FBXW11: variants seen among roughly 807,000 people sequenced by gnomAD.
FBXW11 encodes F-box and WD repeat domain containing 11, also known as F-box/WD repeat-containing protein 11.
A neutral mutation model predicts 77.6 loss-of-function variants in FBXW11; 19 were observed. The ratio of observed to expected loss-of-function variants is 0.24; its 90% CI spans 0.17 to 0.36. FBXW11 has a LOEUF of 0.36. FBXW11 is among the 10% of genes least tolerant of loss of function. The probability of loss-of-function intolerance (pLI) is 1.00; values close to 1 mark genes in which losing one functional copy is unlikely to be tolerated. For synonymous variants in FBXW11, 235 were observed against 249.4 expected, an observed-to-expected ratio of 0.94 and a Z score of 0.54; for missense variants, 334 against 704.2, an observed-to-expected ratio of 0.47 and a Z score of 5.95.
At chr5:171,944,273 C>T (rs1762888552) in intron 2 of FBXW11, among the ~76,000 whole-genome samples, 1 of 151,428 alleles carries the variant, frequency 6.6e-6, no homozygotes, top group South Asian at 2.1e-4. Flanking sequence ...AAAACATATG[C>T]ATAGATTTAA....
chr5:171,999,796 CCTCT>C (rs752098632), intron 1 of FBXW11, among the ~76,000 whole-genome samples: 2 of 152,004 alleles, frequency 1.3e-5, no homozygotes, highest in Non-Finnish European at 2.9e-5. Context: ...TATTTACACA[CCTCT>C]CTATCACAAG....
chr5:171,978,818 C>T (rs995752135), intron 1 of FBXW11, among the ~76,000 whole-genome samples: 1 of 152,192 alleles, frequency 6.6e-6, no homozygotes, highest in Admixed American at 6.5e-5. Flanking sequence ...AGAACTACAG[C>T]TAATTTTAAC....
At chr5:171,979,183 T>C (rs1024421439) in intron 1 of FBXW11, among the ~76,000 whole-genome samples, 11 of 152,164 alleles carry the variant, frequency 7.2e-5, no homozygotes, top group African/African-American at 2.4e-4. Context: ...TAGCCAGTCA[T>C]GGTGTTGCAT....
chr5:171,994,691 CT>C (rs1765931374), intron 1 of FBXW11, among the ~76,000 whole-genome samples: 1 of 152,140 alleles, frequency 6.6e-6, no homozygotes, highest in Non-Finnish European at 1.5e-5. Context: ...ACTTCTACTA[CT>C]AGTACCATTA....
In FBXW11 at chr5:171,998,336, C is replaced by CTTTTTTTTTTTTTTTTTTT. The variant is rs778327855; in HGVS notation, c.45+8121_45+8122insAAAAAAAAAAAAAAAAAAA. On this transcript the variant is annotated intron_variant, in intron 1 of 13. Coordinates refer to ENST00000517395, the MANE Select transcript of FBXW11 (RefSeq NM_001378974.1). The stretch of plus-strand genomic sequence containing the variant: ...ACAGCCCATGATATTTTTTTCTTGT[C>CTTTTTTTTTTTTTTTTTTT]TTTTTTTTTTTTTTTTTAAGTAGAG... Among the ~76,000 whole-genome samples, 26 of 114,822 alleles carry CTTTTTTTTTTTTTTTTTTT rather than the reference C, an allele frequency of 2.3e-4. 3 individuals carry two copies. Among genetic ancestry groups the CTTTTTTTTTTTTTTTTTTT allele is most frequent in the African/African-American group, 9.2e-4 (22 of 24,026 alleles). 75.3% of individuals were successfully genotyped at this position (114,822 alleles called of 152,430 possible).
At chr5:171,909,182 G>A (rs1760725105) in intron 4 of FBXW11, among the ~76,000 whole-genome samples, 1 of 152,162 alleles carries the variant, frequency 6.6e-6, no homozygotes, top group Admixed American at 6.5e-5. Context: ...GCACAGTGGT[G>A]CATGCCTGTA....
At chr5:171,960,238 G>C (rs1763835660) in intron 1 of FBXW11, among the ~76,000 whole-genome samples, 1 of 152,160 alleles carries the variant, frequency 6.6e-6, no homozygotes, top group Admixed American at 6.6e-5. Context: ...AGCCAAGCAT[G>C]GTGGTATGCA....
At chr5:171,872,668 G>C (rs1357517871) in intron 10 of FBXW11, among the ~76,000 whole-genome samples, 1 of 152,134 alleles carries the variant, frequency 6.6e-6, no homozygotes, top group Non-Finnish European at 1.5e-5. Flanking sequence ...TGTGTACTGG[G>C]GGAATCTTGG....
intron 1 of FBXW11, among the ~76,000 whole-genome samples, chr5:171,989,037 C>A (rs140027237): frequency 0.017 from 2,635 of 151,894 alleles, 72 homozygotes; most frequent in African/African-American, 0.061. Context: ...ATTAGCCGGG[C>A]GTGGTGGTAT....
chr5:171,968,644 G>A (rs1764357608), intron 1 of FBXW11, among the ~76,000 whole-genome samples: 1 of 152,060 alleles, frequency 6.6e-6, no homozygotes, highest in African/African-American at 2.4e-5. Flanking sequence ...CATCTGAGAG[G>A]TCTTCCAGGT....
chr5:171,958,789 C>A (rs1763748254), intron 1 of FBXW11, among the ~76,000 whole-genome samples: 1 of 152,044 alleles, frequency 6.6e-6, no homozygotes, highest in African/African-American at 2.4e-5. Flanking sequence ...ACTCATGTAA[C>A]AAAAATTAAA....
Position 171,910,714 on chromosome 5 carries a change from A to G in FBXW11, c.294T>C (p.Ile98=), listed in dbSNP as rs770478923. 6.2e-6 allele frequency: 10 copies of G among 1,613,934 alleles called. No individual in the cohort carries two copies. In the East Asian group the frequency reaches 2.2e-4, roughly 36 times the overall value. The change falls in exon 4 of 14, where the codon ATT becomes ATC. Residue 98 remains isoleucine, a synonymous_variant. Transcript: ENST00000517395. ...GNYQKEKDLC[I]KYFDQWSESD... is the part of the protein sequence containing the mutation. ...ATTCAGACCACTGGTCAAAATATTTAATACACAAGTCTTTTTCTTTTTGAT... is the reference window on the plus strand; with the variant it reads ...ATTCAGACCACTGGTCAAAATATTTGATACACAAGTCTTTTTCTTTTTGAT...
intron 1 of FBXW11, among the ~76,000 whole-genome samples, chr5:171,987,310 C>G (rs1169857068): frequency 6.6e-6 from 1 of 152,156 alleles, no homozygotes; most frequent in Admixed American, 6.6e-5. Context: ...TACTTGTCTC[C>G]CAGATAGACA....
At chr5:171,991,674 G>C (rs983274685) in intron 1 of FBXW11, among the ~76,000 whole-genome samples, 1 of 152,192 alleles carries the variant, frequency 6.6e-6, no homozygotes, top group Non-Finnish European at 1.5e-5. Context: ...ATTTGAGTTT[G>C]CATAAATGTA....
At chr5:171,934,296 C>T (rs1262839229) in intron 2 of FBXW11, among the ~76,000 whole-genome samples, 2 of 151,908 alleles carry the variant, frequency 1.3e-5, no homozygotes, top group Admixed American at 6.6e-5. Context: ...AAGAATTGAC[C>T]TAACTCAAAA....
intron 2 of FBXW11, among the ~76,000 whole-genome samples, chr5:171,929,981 CA>C (rs1348370734): frequency 1.3e-5 from 2 of 152,092 alleles, no homozygotes; most frequent in Non-Finnish European, 1.5e-5. Context: ...CTAAAAGGCA[CA>C]GAACATAAGT....
At chr5:171,967,111 T>A (rs1252619888) in intron 1 of FBXW11, among the ~76,000 whole-genome samples, 1 of 152,226 alleles carries the variant, frequency 6.6e-6, no homozygotes, top group Non-Finnish European at 1.5e-5. Flanking sequence ...AAATTTTATC[T>A]ACCTGTCACT....
At chr5:171,887,006 G>C (rs576847823) in intron 7 of FBXW11, among the ~76,000 whole-genome samples, 8 of 152,110 alleles carry the variant, frequency 5.3e-5, no homozygotes, top group Non-Finnish European at 1.2e-4. Flanking sequence ...GTGACAGAGC[G>C]AGACTCTGTC....
intron 1 of FBXW11, among the ~76,000 whole-genome samples, chr5:171,965,123 A>G (rs1764114164): frequency 6.6e-6 from 1 of 152,214 alleles, no homozygotes; most frequent in African/African-American, 2.4e-5. Context: ...ACAGCCCAAA[A>G]GTAGTGGAAT....
Sources: gnomAD v4.1 joint callset for allele counts (sites outside exome capture counted in the v4.1 genomes callset) on GRCh38, gnomAD v4.1.1 for gene constraint, MANE v1.5 for transcripts, NCBI Gene and HGNC (gene_info 2026-07-23, HGNC 2026-07-21) for gene names.